The following PARL variants were observed in gnomAD, a reference collection of about 807,000 sequenced individuals.
PARL encodes the protein presenilin-associated rhomboid-like protein, mitochondrial.
A neutral mutation model predicts 51.6 loss-of-function variants in PARL; 44 were observed. That is an observed-to-expected ratio of 0.85 (90% CI 0.67 to 1.10). The LOEUF is 1.10. Among genes scored for constraint, PARL ranks in the 50% least tolerant of loss-of-function variants. The pLI, the probability that PARL is intolerant of heterozygous loss-of-function variation, is 0.00. For missense variants in PARL, 441 were observed against 469.5 expected (o/e 0.94, Z 0.56); for synonymous variants, 172 against 164.0 (o/e 1.05, Z -0.37).
chr3:183,848,266 C>T (rs531414042), intron 4 of PARL, among the ~76,000 whole-genome samples: 2 of 152,294 alleles, frequency 1.3e-5, no homozygotes, highest in African/African-American at 4.8e-5. Flanking sequence ...TTTTTTGAGA[C>T]GGAGTCTCGC....
chr3:183,884,831 A>G lies in PARL; in HGVS notation c.16T>C (p.Trp6Arg), dbSNP rs755675651. The G allele has an allele frequency of 5.0e-6, 8 of 1,597,290 alleles. No homozygotes were observed. Among genetic ancestry groups the G allele is most frequent in the South Asian group, 3.3e-5 (3 of 90,766 alleles). Residue 6 changes from tryptophan (W) to arginine (R), a missense_variant, in exon 1 of 10, where the codon TGG becomes CGG. Coordinates refer to ENST00000317096, the MANE Select transcript of PARL (RefSeq NM_018622.7). MAWRGWAQRGWGCGQA... is the reference protein window; with the variant it reads MAWRGRAQRGWGCGQA... ...CCGCAGCCCCAGCCTCTCTGCGCCC[A>G]GCCTCGCCACGCCATCTTCCCAACC... is the stretch of plus-strand genomic sequence containing the variant.
At chr3:183,836,002 G>A (rs1422818817) in intron 7 of PARL, among the ~76,000 whole-genome samples, 1 of 152,008 alleles carries the variant, frequency 6.6e-6, no homozygotes, top group Non-Finnish European at 1.5e-5. Flanking sequence ...CAGATCACCT[G>A]AGGTCTGGAG....
intron 1 of PARL, among the ~76,000 whole-genome samples, chr3:183,877,833 C>T (rs1014541119): frequency 1.3e-5 from 2 of 151,528 alleles, no homozygotes; most frequent in Admixed American, 6.6e-5. Context: ...CAGTGTCACC[C>T]AGGCTGGAGC....
intron 1 of PARL, among the ~76,000 whole-genome samples, chr3:183,878,612 C>T (rs983100078): frequency 2.0e-5 from 3 of 152,122 alleles, no homozygotes; most frequent in Non-Finnish European, 4.4e-5. Context: ...GTTGTAAGAC[C>T]TCCCCAGGTG....
chr3:183,842,203 C>T (rs1213003980), intron 6 of PARL, 95 bp downstream of exon 6: 24 of 1,177,602 alleles, frequency 2.0e-5, no homozygotes, highest in East Asian at 7.0e-5. Context: ...GCACTCACTA[C>T]GTGTAGAATA....
intron 3 of PARL, among the ~76,000 whole-genome samples, chr3:183,865,085 T>C (rs1326214128): frequency 6.6e-6 from 1 of 151,340 alleles, no homozygotes; most frequent in East Asian, 2.0e-4. Context: ...AGGTGGGAGA[T>C]CACTTGAGGT....
At chr3:183,876,610 T>TAAAAAAAAAAAAA (rs576376716) in intron 1 of PARL, among the ~76,000 whole-genome samples, 41 of 91,784 alleles carry the variant, frequency 4.5e-4, no homozygotes, top group Non-Finnish European at 6.2e-4. Context: ...ATACATTTTG[T>TAAAAAAAAAAAAA]AAAAAAAAAA....
At chr3:183,845,657 CA>C (rs1729863309) in intron 4 of PARL, among the ~76,000 whole-genome samples, 1 of 152,192 alleles carries the variant, frequency 6.6e-6, no homozygotes, top group African/African-American at 2.4e-5. Context: ...GAGCGAAGAG[CA>C]CTGTGTACAC....
downstream of PARL, among the ~76,000 whole-genome samples, chr3:183,827,070 C>T (rs1342324955): frequency 2.0e-5 from 3 of 151,366 alleles, no homozygotes; most frequent in African/African-American, 4.9e-5. Flanking sequence ...GGTGGTTGGG[C>T]CAGGTGGGAA....
At chr3:183,829,761 G>GT (rs1727707230) in intron 9 of PARL, 52 bp from the exon 10 acceptor site, 1 of 1,412,230 alleles carries the variant, frequency 7.1e-7, no homozygotes, top group Non-Finnish European at 1.0e-6. Context: ...CATACAAATG[G>GT]TAAGTAGCAT....
downstream of PARL, among the ~76,000 whole-genome samples, chr3:183,827,150 GAATTT>G (rs1283892659): frequency 6.6e-6 from 1 of 152,068 alleles, no homozygotes; most frequent in Non-Finnish European, 1.5e-5. Flanking sequence ...CCACACTAAG[GAATTT>G]TAGCTTTTCA....
At position 183,868,972 on chromosome 3, in the gene PARL, C is replaced by T. The variant is rs138131956; in HGVS notation, c.126-912G>A. On this transcript the variant is annotated intron_variant, in intron 1 of 9. Coordinates refer to ENST00000317096, the MANE Select transcript of PARL (RefSeq NM_018622.7). The stretch of plus-strand genomic sequence containing the variant: ...TTTGTTGTTTGAGTCTACAGCTTGA[C>T]TTCCTCAAAATATCTAACACTACTG... Among the ~76,000 whole-genome samples, 455 of 152,244 alleles carry T rather than the reference C, an allele frequency of 3.0e-3. 3 individuals are homozygous for T. Among genetic ancestry groups the T allele is most frequent in the Non-Finnish European group, 3.8e-3 (257 of 68,020 alleles).
downstream of PARL, chr3:183,826,542 G>A: frequency 1.1e-6 from 1 of 923,626 alleles, no homozygotes; most frequent in Non-Finnish European, 1.3e-6. Flanking sequence ...TCCAGTCTGC[G>A]CCTGGGAGGG....
chr3:183,883,110 T>C (rs760620049), intron 1 of PARL, among the ~76,000 whole-genome samples: 4 of 152,180 alleles, frequency 2.6e-5, no homozygotes, highest in Non-Finnish European at 4.4e-5. Context: ...ATCTTCAACA[T>C]TTCATGTGTT....
downstream of PARL, among the ~76,000 whole-genome samples, chr3:183,827,178 C>T (rs1727474143): frequency 6.6e-6 from 1 of 152,038 alleles, no homozygotes; most frequent in South Asian, 2.1e-4. Flanking sequence ...TGGCCGGGTG[C>T]AGATGGCTCA....
chr3:183,858,743 G>A (rs1731447522), intron 4 of PARL, among the ~76,000 whole-genome samples: 1 of 152,106 alleles, frequency 6.6e-6, no homozygotes, highest in South Asian at 2.1e-4. Flanking sequence ...CAATAGAACA[G>A]AAAATTAGGT....
intron 1 of PARL, among the ~76,000 whole-genome samples, chr3:183,882,672 C>T (rs1734702918): frequency 6.6e-6 from 1 of 152,040 alleles, no homozygotes; most frequent in South Asian, 2.1e-4. Flanking sequence ...GAAGATATTT[C>T]GGTCTTTGTG....
chr3:183,875,703 G>C (rs537934859), intron 1 of PARL, among the ~76,000 whole-genome samples: 1 of 152,302 alleles, frequency 6.6e-6, no homozygotes, highest in South Asian at 2.1e-4. Context: ...TGTAGAAACT[G>C]CAGCAACTTA....
chr3:183,837,384 A>G (rs952850563), intron 7 of PARL, among the ~76,000 whole-genome samples: 1 of 152,220 alleles, frequency 6.6e-6, no homozygotes, highest in Non-Finnish European at 1.5e-5. Flanking sequence ...CAATATTTAG[A>G]GAAACGGGTG....
Sources: allele counts gnomAD v4.1 joint callset (sites outside exome capture counted in the v4.1 genomes callset), GRCh38; gene constraint gnomAD v4.1.1; transcripts MANE v1.5; gene names NCBI Gene and HGNC (gene_info 2026-07-23, HGNC 2026-07-21).